Variants in CSMD2 observed in about 807,000 individuals in gnomAD.
CSMD2 encodes CUB and sushi domain-containing protein 2.
CSMD2 carries 130 observed loss-of-function variants against 398.5 expected under a neutral mutation model. The ratio of observed to expected loss-of-function variants is 0.33; its 90% CI spans 0.28 to 0.38. The LOEUF (loss-of-function observed/expected upper bound fraction) is 0.38, where lower values mean the gene tolerates loss of function less well. CSMD2 is among the 10% of genes least tolerant of loss of function. CSMD2 has a pLI of 1.00. For synonymous variants in CSMD2, 1,828 were observed against 1,908.5 expected (o/e 0.96, Z 1.10); for missense variants, 3,829 against 4,764.9 (o/e 0.80, Z 5.78).
chr1:33,724,165 T>G, intron 19 of CSMD2, 32 bp downstream of exon 19: 1 of 1,513,182 alleles, frequency 6.6e-7, no homozygotes, highest in Non-Finnish European at 9.2e-7. Flanking sequence ...CCTCGTCACA[T>G]CCCAATGCCT....
intron 5 of CSMD2, chr1:33,862,341 CTCTGTG>C (rs1344772372): frequency 3.1e-4 from 19 of 60,724 alleles, no homozygotes; most frequent in African/African-American, 7.8e-4. Flanking sequence ...AGATAAGCTA[CTCTGTG>C]TGTGTGTGTG....
rs142284620 is a variant in CSMD2 at position 34,147,525 on chromosome 1, C to T, written c.187+17386G>A. Among the ~76,000 whole-genome samples, 276 of 151,960 alleles carry T rather than the reference C, an allele frequency of 1.8e-3. 1 individual carries two copies. Among genetic ancestry groups the T allele is most frequent in the African/African-American group, 6.4e-3 (266 of 41,450 alleles). Reference sequence around the variant, plus strand: ...GTGGTGCCCTAGGCTGGAGCACCTCCCCCGGAGTGAGGAGGGTGTAAGCCA... The same window carrying T: ...GTGGTGCCCTAGGCTGGAGCACCTCTCCCGGAGTGAGGAGGGTGTAAGCCA... On this transcript the variant is annotated intron_variant, in intron 1 of 70. Coordinates refer to ENST00000373381, the MANE Select transcript of CSMD2 (RefSeq NM_001281956.2).
intron 29 of CSMD2, among the ~76,000 whole-genome samples, chr1:33,643,847 T>C (rs1643253360): frequency 6.7e-6 from 1 of 150,142 alleles, no homozygotes; most frequent in Non-Finnish European, 1.5e-5. Flanking sequence ...CCCAGGGAGA[T>C]AGTAGAGGGT....
upstream of CSMD2, chr1:34,165,627 G>T: frequency 1.2e-6 from 1 of 855,870 alleles, no homozygotes; most frequent in South Asian, 1.6e-5. Context: ...CAGTGACAGA[G>T]ACACACGCAC....
At chr1:33,808,357 C>T (rs552388911) in intron 10 of CSMD2, among the ~76,000 whole-genome samples, 10 of 151,374 alleles carry the variant, frequency 6.6e-5, no homozygotes, top group African/African-American at 2.4e-4. Flanking sequence ...TGAAAAATGA[C>T]CATTTCTGGT....
intron 55 of CSMD2, among the ~76,000 whole-genome samples, chr1:33,551,894 G>A (rs1466620035): frequency 3.3e-5 from 5 of 152,154 alleles, no homozygotes; most frequent in Non-Finnish European, 7.3e-5. Context: ...AGGAAGTTTG[G>A]CAGAGACTAC....
chr1:33,973,536 G>A (rs1196647398), intron 3 of CSMD2, among the ~76,000 whole-genome samples: 5 of 152,212 alleles, frequency 3.3e-5, no homozygotes, highest in South Asian at 4.1e-4. Flanking sequence ...CCAGGTCAGG[G>A]TACAAGGTAG....
rs1009167422 is a variant in CSMD2 at position 33,514,774 on chromosome 1, G to T, written c.*1850C>A. On this transcript the variant is annotated 3_prime_UTR_variant, in exon 71 of 71. Coordinates refer to ENST00000373381, the MANE Select transcript of CSMD2 (RefSeq NM_001281956.2). Reference sequence around the variant, plus strand: ...TTGGCCCTCTCCCTCCAGGCCCAGGGGGGTGCCGTGTCCCAGAGGTGGTGT... The same window carrying T: ...TTGGCCCTCTCCCTCCAGGCCCAGGTGGGTGCCGTGTCCCAGAGGTGGTGT... 6.6e-6 allele frequency: 1 copy of T among 152,230 alleles called. No homozygotes were observed. Among genetic ancestry groups the T allele is most frequent in the Non-Finnish European group, 1.5e-5 (1 of 68,124 alleles). The allele number at this position is 152,230 out of a possible 1,614,324, so 9.4% of individuals were successfully genotyped here. A position where few individuals can be genotyped will look rare whatever the true frequency, so the allele number is the denominator to read the frequency against.
At position 33,897,469 on chromosome 1, in the gene CSMD2, G is replaced by C. The variant is rs1025870141; in HGVS notation, c.920+20625C>G. 2.6e-5 allele frequency among the ~76,000 whole-genome samples: 4 copies of C among 152,298 alleles called. No individual in the cohort carries two copies. In the South Asian group the frequency reaches 6.2e-4, roughly 24 times the overall value. On this transcript the variant is annotated intron_variant, in intron 5 of 70. Transcript: ENST00000373381. ...AGCCAGATTATTTTATTTCTCCAGGGCTTTCTTTCCTGGGGTAAACAAGCT... is the reference window on the plus strand; with the variant it reads ...AGCCAGATTATTTTATTTCTCCAGGCCTTTCTTTCCTGGGGTAAACAAGCT...
chr1:33,798,826 C>T (rs1655259508), intron 10 of CSMD2, among the ~76,000 whole-genome samples: 1 of 152,194 alleles, frequency 6.6e-6, no homozygotes, highest in Admixed American at 6.5e-5. Flanking sequence ...CCCTGGAGAA[C>T]ATTCTCCCCT....
chr1:33,833,188 G>A (rs1251534073), intron 6 of CSMD2, among the ~76,000 whole-genome samples: 1 of 123,482 alleles, frequency 8.1e-6, no homozygotes, highest in Non-Finnish European at 1.7e-5. Flanking sequence ...GCCGGGCAGA[G>A]ACACAATCAA....
chr1:33,696,696 C>T (rs1279713160), intron 24 of CSMD2, among the ~76,000 whole-genome samples: 1 of 152,108 alleles, frequency 6.6e-6, no homozygotes, highest in African/African-American at 2.4e-5. Flanking sequence ...GCACTGGGAA[C>T]ATGTCATCAT....
intron 13 of CSMD2, among the ~76,000 whole-genome samples, chr1:33,762,489 C>T (rs182034136): frequency 6.6e-6 from 1 of 152,206 alleles, no homozygotes; most frequent in African/African-American, 2.4e-5. Context: ...TTCCCAGTTC[C>T]TCTTCCACGC....
Position 33,923,838 on chromosome 1 carries a change from G to A in CSMD2, c.713-5537C>T, listed in dbSNP as rs1644032393. On this transcript the variant is annotated intron_variant, in intron 4 of 70. Transcript: ENST00000373381. ...GTGAGTGTTGAGCAAGTTATCTAATGCCTGATGATCTGAGGTGGAACAGTT... is the reference window on the plus strand; with the variant it reads ...GTGAGTGTTGAGCAAGTTATCTAATACCTGATGATCTGAGGTGGAACAGTT... Among the ~76,000 whole-genome samples the A allele has an allele frequency of 4.6e-5, 7 of 152,246 alleles. No individual in the cohort carries two copies. The South Asian group carries it at 1.5e-3, about 32-fold the overall frequency.
intron 25 of CSMD2, among the ~76,000 whole-genome samples, chr1:33,690,614 A>G (rs1445792646): frequency 6.6e-6 from 1 of 152,076 alleles, no homozygotes; most frequent in Non-Finnish European, 1.5e-5. Context: ...AAGTGGGAAA[A>G]CCTCTTGATT....
chr1:33,772,641 C>G lies in CSMD2; in HGVS notation c.1774G>C (p.Glu592Gln), dbSNP rs1468394344. ...GTGATTGCCTTCTGTCCCACCAGCT[C>G]AAAGGCGGGCTGGCACTCAAACTTG... ...TLKFECQPAF[E>Q]LVGQKAITCQ... Residue 592 changes from glutamate to glutamine, a missense_variant, in exon 13 of 71, where the codon GAG becomes CAG. This residue lies in a region of CSMD2 where 2,001 missense variants were observed against 2,567.1 expected (regional missense o/e 0.78). Coordinates refer to ENST00000373381, the MANE Select transcript of CSMD2 (RefSeq NM_001281956.2). 6.2e-7 allele frequency: 1 copy of G among 1,614,126 alleles called. No individual in the cohort carries two copies. Among genetic ancestry groups the G allele is most frequent in the East Asian group, 2.2e-5 (1 of 44,866 alleles).
At chr1:34,038,536 C>T (rs954047033) in intron 2 of CSMD2, among the ~76,000 whole-genome samples, 9 of 152,100 alleles carry the variant, frequency 5.9e-5, no homozygotes, top group African/African-American at 1.7e-4. Flanking sequence ...GAAAATGGGA[C>T]GGCCAGGACA....
chr1:33,957,176 C>T lies in CSMD2; in HGVS notation c.518-21222G>A, dbSNP rs513336. 3.9e-5 allele frequency among the ~76,000 whole-genome samples: 6 copies of T among 152,126 alleles called. No homozygotes were observed. In the East Asian group the frequency reaches 9.7e-4, roughly 25 times the overall value. ...TTATCACAACTGGCTGTCTTTCCCC[C>T]CTTTGTTTACTGTCTATCTTCCCTA... On this transcript the variant is annotated intron_variant, in intron 3 of 70. Coordinates refer to ENST00000373381, the MANE Select transcript of CSMD2 (RefSeq NM_001281956.2).
intron 7 of CSMD2, among the ~76,000 whole-genome samples, chr1:33,823,594 TG>T (rs1658429398): frequency 6.6e-6 from 1 of 151,798 alleles, no homozygotes; most frequent in South Asian, 2.1e-4. Flanking sequence ...GAGTCACAGG[TG>T]GGTGGGTGGT....
Sources: allele counts gnomAD v4.1 joint callset (sites outside exome capture counted in the v4.1 genomes callset), GRCh38; gene constraint gnomAD v4.1.1; regional missense constraint gnomAD v4.1.1; transcripts MANE v1.5; gene names NCBI Gene and HGNC (gene_info 2026-07-23, HGNC 2026-07-21).